DGKH: variants seen among roughly 807,000 people sequenced by gnomAD.
DGKH encodes diacylglycerol kinase eta.
In DGKH, 90 loss-of-function variants were observed where a neutral mutation model predicts 159.3. The observed-to-expected ratio is 0.57, with a 90% CI of 0.48 to 0.67. The LOEUF is 0.67. Ranked by LOEUF, DGKH falls within the 30% of genes least tolerant of loss-of-function variation. The pLI, the probability that DGKH is intolerant of heterozygous loss-of-function variation, is 0.00. For missense variants in DGKH, 1,181 were observed against 1,506.1 expected (o/e 0.78, Z 3.57); for synonymous variants, 536 against 553.8 (o/e 0.97, Z 0.45).
intron 7 of DGKH, among the ~76,000 whole-genome samples, chr13:42,161,024 T>A (rs1022548753): frequency 1.3e-5 from 2 of 152,226 alleles, no homozygotes; most frequent in Non-Finnish European, 2.9e-5. Flanking sequence ...CATGCTTTTG[T>A]TATTCTTCAT....
At chr13:42,069,206 T>C in intron 1 of DGKH, 1 of 1,248,810 alleles carries the variant, frequency 8.0e-7, no homozygotes, top group Non-Finnish European at 1.1e-6. Context: ...CTGAAGAACT[T>C]GTCTAAGTAA....
At chr13:42,184,114 T>G (rs932601597) in intron 13 of DGKH, among the ~76,000 whole-genome samples, 2 of 152,204 alleles carry the variant, frequency 1.3e-5, no homozygotes, top group Non-Finnish European at 2.9e-5. Context: ...GTTAAAAATA[T>G]TTCCTCAGAG....
chr13:42,171,648 A>G (rs867816763), intron 11 of DGKH, among the ~76,000 whole-genome samples: 3 of 152,054 alleles, frequency 2.0e-5, no homozygotes, highest in African/African-American at 4.8e-5. Context: ...CTGTTTGGAT[A>G]TTTACAAAGT....
chr13:42,077,189 A>G (rs942996547), intron 1 of DGKH, among the ~76,000 whole-genome samples: 1 of 152,154 alleles, frequency 6.6e-6, no homozygotes, highest in Non-Finnish European at 1.5e-5. Flanking sequence ...GAGAGACTGG[A>G]TAGTGTATAA....
intron 1 of DGKH, among the ~76,000 whole-genome samples, chr13:42,109,586 G>A (rs1954820742): frequency 6.6e-6 from 1 of 152,214 alleles, no homozygotes; most frequent in Non-Finnish European, 1.5e-5. Flanking sequence ...GGATCCAGAT[G>A]AAGGGATGCA....
chr13:42,197,871 G>T (rs989050366), intron 17 of DGKH, among the ~76,000 whole-genome samples: 1 of 152,100 alleles, frequency 6.6e-6, no homozygotes, highest in Non-Finnish European at 1.5e-5. Flanking sequence ...TTTGAATACT[G>T]TAACAGTTAG....
chr13:42,207,552 GAGGGCTCATTTGGCCGGTCGAGTTT>G (rs1957537102), intron 21 of DGKH, among the ~76,000 whole-genome samples: 1 of 151,686 alleles, frequency 6.6e-6, no homozygotes, highest in Non-Finnish European at 1.5e-5. Flanking sequence ...GAAATATCAA[GAGGGCTCATTTGGCCGGTCGAGTTT>G]AGGGCTATTT....
intron 26 of DGKH, among the ~76,000 whole-genome samples, chr13:42,216,331 T>G (rs905760166): frequency 2.6e-5 from 4 of 152,228 alleles, no homozygotes; most frequent in African/African-American, 9.6e-5. Context: ...CGGTTGTGGC[T>G]TATTCCCACA....
chr13:42,186,950 GAC>G, intron 13 of DGKH, 97 bp from the exon 14 acceptor site: 1 of 1,002,460 alleles, frequency 1.0e-6, no homozygotes, highest in Non-Finnish European at 1.5e-6. Context: ...CCAGATATTT[GAC>G]AGTTTGCTTA....
intron 29 of DGKH, among the ~76,000 whole-genome samples, chr13:42,223,873 A>G (rs1958050102): frequency 6.6e-6 from 1 of 152,086 alleles, no homozygotes. Flanking sequence ...TGTACCCAAT[A>G]AGCAATTTCT....
At chr13:42,097,881 G>A (rs757287452) in intron 1 of DGKH, among the ~76,000 whole-genome samples, 13 of 152,164 alleles carry the variant, frequency 8.5e-5, no homozygotes, top group Non-Finnish European at 1.8e-4. Flanking sequence ...CTGGCATCCA[G>A]AGGTACATGG....
chr13:42,190,908 C>T lies in DGKH; in HGVS notation c.2035+383C>T, dbSNP rs1432149754. 2.0e-5 allele frequency among the ~76,000 whole-genome samples: 3 copies of T among 152,192 alleles called. No individual in the cohort carries two copies. The South Asian group carries it at 6.2e-4, about 31-fold the overall frequency. On this transcript the variant is annotated intron_variant, in intron 16 of 29. Transcript: ENST00000337343. ...AGAAAGCTGCAGCTCTCCTAACGCT[C>T]CAAATGCAGAAAATTTGGCATTTAA...
intron 3 of DGKH, among the ~76,000 whole-genome samples, chr13:42,133,119 C>T (rs1418465135): frequency 1.3e-5 from 2 of 149,594 alleles, no homozygotes; most frequent in Admixed American, 6.7e-5. Context: ...TGCAGTGAGT[C>T]GAGATTGCGC....
At chr13:42,116,415 G>A (rs1309381367) in intron 1 of DGKH, among the ~76,000 whole-genome samples, 1 of 152,198 alleles carries the variant, frequency 6.6e-6, no homozygotes, top group Non-Finnish European at 1.5e-5. Flanking sequence ...TTCCTTAGAT[G>A]AGAAGTGGAG....
At chr13:42,174,286 C>G in intron 12 of DGKH, 142 bp downstream of exon 12, 1 of 671,962 alleles carries the variant, frequency 1.5e-6, no homozygotes, top group Non-Finnish European at 2.5e-6. Context: ...GTCTCATTGA[C>G]TGACTACCTC....
chr13:42,090,808 G>C (rs751681797), intron 1 of DGKH, among the ~76,000 whole-genome samples: 2 of 152,158 alleles, frequency 1.3e-5, no homozygotes, highest in Non-Finnish European at 2.9e-5. Flanking sequence ...GGGCTTTAAA[G>C]AGGTGATTGA....
intron 20 of DGKH, among the ~76,000 whole-genome samples, chr13:42,205,121 G>C (rs1037270): frequency 0.44 from 67,281 of 151,916 alleles, 15,255 homozygotes; most frequent in Admixed American, 0.55. Flanking sequence ...TCTGTAAGCT[G>C]TTCTCTTTTA....
intron 3 of DGKH, among the ~76,000 whole-genome samples, chr13:42,131,915 C>T (rs1303180387): frequency 6.6e-6 from 1 of 152,212 alleles, no homozygotes; most frequent in Admixed American, 6.5e-5. Flanking sequence ...TGCAGAGCTT[C>T]TGATGAATTG....
intron 17 of DGKH, among the ~76,000 whole-genome samples, chr13:42,197,542 T>C (rs770615755): frequency 4.6e-5 from 7 of 152,012 alleles, no homozygotes; most frequent in Non-Finnish European, 8.8e-5. Flanking sequence ...AGGAAAGGAA[T>C]GTTTGCTAAA....
Sources: allele counts gnomAD v4.1 joint callset (sites outside exome capture counted in the v4.1 genomes callset), GRCh38; gene constraint gnomAD v4.1.1; transcripts MANE v1.5; gene names NCBI Gene and HGNC (gene_info 2026-07-23, HGNC 2026-07-21).